Variants in RABGAP1L observed in about 807,000 individuals in gnomAD.
RABGAP1L encodes the protein RAB GTPase activating protein 1 like, also known as rab GTPase-activating protein 1-like.
RABGAP1L carries 63 observed loss-of-function variants against 137.7 expected under a neutral mutation model. The ratio of observed to expected loss-of-function variants is 0.46; its 90% CI spans 0.37 to 0.56. The LOEUF (loss-of-function observed/expected upper bound fraction) is 0.56, where lower values mean the gene tolerates loss of function less well. RABGAP1L is among the 20% of genes least tolerant of loss of function. RABGAP1L has a pLI of 0.00. For synonymous variants in RABGAP1L, 431 were observed against 433.7 expected (o/e 0.99, Z 0.08); for missense variants, 1,095 against 1,244.0 (o/e 0.88, Z 1.80).
intron 17 of RABGAP1L, among the ~76,000 whole-genome samples, chr1:174,749,511 T>C (rs1056647487): frequency 2.6e-5 from 4 of 151,926 alleles, no homozygotes; most frequent in Admixed American, 2.6e-4. Flanking sequence ...TTTTTTACTT[T>C]CTTGTAGAGA....
At chr1:174,183,092 C>T (rs1247814939) in intron 1 of RABGAP1L, among the ~76,000 whole-genome samples, 3 of 152,004 alleles carry the variant, frequency 2.0e-5, no homozygotes, top group Non-Finnish European at 2.9e-5. Context: ...ACTGTGAGCC[C>T]CTTTAAGGCA....
At chr1:174,512,431 T>C (rs986298303) in intron 13 of RABGAP1L, among the ~76,000 whole-genome samples, 9 of 152,218 alleles carry the variant, frequency 5.9e-5, no homozygotes, top group African/African-American at 2.2e-4. Flanking sequence ...GTAGGTGTTT[T>C]AGCCTGTTTT....
intron 10 of RABGAP1L, among the ~76,000 whole-genome samples, chr1:174,291,030 G>T (rs1210907461): frequency 6.6e-6 from 1 of 152,044 alleles, no homozygotes; most frequent in Non-Finnish European, 1.5e-5. Context: ...AAAATGCTGG[G>T]ATTACAGGCA....
At chr1:174,957,723 C>CA in intron 20 of RABGAP1L, 174 bp downstream of exon 20, 2 of 505,574 alleles carry the variant, frequency 4.0e-6, no homozygotes, top group Non-Finnish European at 3.4e-6. Context: ...AGCAAAGTAC[C>CA]TTTTTTTTTT....
chr1:174,338,561 A>G (rs1252881694), intron 11 of RABGAP1L, among the ~76,000 whole-genome samples: 1 of 151,124 alleles, frequency 6.6e-6, no homozygotes, highest in South Asian at 2.1e-4. Flanking sequence ...TTTAAGTGGT[A>G]CTATTCTTGA....
At chr1:174,349,515 T>C (rs1571340269) in intron 11 of RABGAP1L, among the ~76,000 whole-genome samples, 1 of 105,380 alleles carries the variant, frequency 9.5e-6, no homozygotes, top group Non-Finnish European at 2.0e-5. Flanking sequence ...GGCTCCTCAC[T>C]TCCCAGTAGG....
At chr1:174,163,769 T>G (rs1483512709) in intron 1 of RABGAP1L, among the ~76,000 whole-genome samples, 5 of 141,492 alleles carry the variant, frequency 3.5e-5, no homozygotes, top group Non-Finnish European at 7.8e-5. Context: ...AATAAGACAG[T>G]TTTTTTTTTT....
intron 13 of RABGAP1L, among the ~76,000 whole-genome samples, chr1:174,430,334 G>T (rs1362554137): frequency 6.7e-6 from 1 of 150,128 alleles, no homozygotes; most frequent in Non-Finnish European, 1.5e-5. Context: ...CTCCAGCCTA[G>T]ATGACAGAGC....
chr1:174,743,165 A>T (rs1048055945), intron 17 of RABGAP1L, among the ~76,000 whole-genome samples: 1 of 152,176 alleles, frequency 6.6e-6, no homozygotes, highest in Non-Finnish European at 1.5e-5. Context: ...TCCCTGACAA[A>T]CTGAAACTAG....
Position 174,993,884 on chromosome 1 carries a change from G to A in RABGAP1L, c.*3883G>A, listed in dbSNP as rs1183596541. 1 of 152,184 alleles carries A rather than the reference G, an allele frequency of 6.6e-6. No homozygotes were observed. Among genetic ancestry groups the A allele is most frequent in the Non-Finnish European group, 1.5e-5 (1 of 68,028 alleles). 9.4% of individuals were successfully genotyped at this position (152,184 alleles called of 1,614,324 possible). Reference sequence around the variant, plus strand: ...CAAATGAGTGTGAAGAAATTCTGTTGTATGATTTGAACACTATTAGGTTTG... The same window carrying A: ...CAAATGAGTGTGAAGAAATTCTGTTATATGATTTGAACACTATTAGGTTTG... On this transcript the variant is annotated 3_prime_UTR_variant, in exon 26 of 26. Coordinates refer to ENST00000681986, the MANE Select transcript of RABGAP1L (RefSeq NM_001366446.1).
At chr1:174,876,805 TA>T (rs1653185982) in intron 19 of RABGAP1L, among the ~76,000 whole-genome samples, 1 of 151,920 alleles carries the variant, frequency 6.6e-6, no homozygotes, top group Non-Finnish European at 1.5e-5. Context: ...GAAAAGGGAG[TA>T]ATGATTATTA....
At chr1:174,813,701 G>A (rs1015925020) in intron 19 of RABGAP1L, among the ~76,000 whole-genome samples, 3 of 152,070 alleles carry the variant, frequency 2.0e-5, no homozygotes, top group African/African-American at 4.8e-5. Context: ...AAGCCTTCAC[G>A]ACTGATTGTT....
Position 174,828,257 on chromosome 1 carries a change from C to T in RABGAP1L, c.2340+16297C>T, listed in dbSNP as rs1225218276. On this transcript the variant is annotated intron_variant, in intron 19 of 25. Coordinates refer to ENST00000681986, the MANE Select transcript of RABGAP1L (RefSeq NM_001366446.1). ...ATAACTGTCTCATAACTGGTCTCTC[C>T]GGCTTTGGTTTCTGTCCCCTCTAGT... Among the ~76,000 whole-genome samples the T allele has an allele frequency of 6.8e-5, 10 of 147,892 alleles. 1 individual carries two copies. The highest frequency in any genetic ancestry group is 2.1e-4 in the East Asian group (1 of 4,756).
At chr1:174,534,453 A>G (rs373380911) in intron 13 of RABGAP1L, among the ~76,000 whole-genome samples, 16 of 151,956 alleles carry the variant, frequency 1.1e-4, no homozygotes, top group African/African-American at 3.9e-4. Flanking sequence ...TGCACGGGAG[A>G]TTAAAAACAA....
At chr1:174,185,874 T>C (rs959151399) in intron 1 of RABGAP1L, among the ~76,000 whole-genome samples, 4 of 152,200 alleles carry the variant, frequency 2.6e-5, no homozygotes, top group Non-Finnish European at 5.9e-5. Flanking sequence ...CGGGGCGCGG[T>C]GGCTCACACC....
chr1:174,938,568 A>T (rs1276196440), intron 19 of RABGAP1L: 1 of 152,228 alleles, frequency 6.6e-6, no homozygotes, highest in Non-Finnish European at 1.5e-5. Flanking sequence ...AGACAGCAAC[A>T]GACTCGGCTT....
At chr1:174,585,318 A>AC (rs967176948) in intron 13 of RABGAP1L, among the ~76,000 whole-genome samples, 19 of 151,890 alleles carry the variant, frequency 1.3e-4, no homozygotes, top group East Asian at 7.7e-4. Flanking sequence ...TAATTTTAGG[A>AC]CCCCCCACCC....
At chr1:174,695,205 C>T (rs181086745) in intron 15 of RABGAP1L, among the ~76,000 whole-genome samples, 9 of 152,240 alleles carry the variant, frequency 5.9e-5, no homozygotes, top group Non-Finnish European at 1.2e-4. Context: ...ACTCTGATCT[C>T]TTCCCCTACC....
At chr1:174,650,471 T>G (rs951641123) in intron 14 of RABGAP1L, among the ~76,000 whole-genome samples, 1 of 151,914 alleles carries the variant, frequency 6.6e-6, no homozygotes, top group Non-Finnish European at 1.5e-5. Context: ...TCCTGGACTC[T>G]TTTTGATTGG....
Sources: allele counts gnomAD v4.1 joint callset (sites outside exome capture counted in the v4.1 genomes callset), GRCh38; gene constraint gnomAD v4.1.1; transcripts MANE v1.5; gene names NCBI Gene and HGNC (gene_info 2026-07-23, HGNC 2026-07-21).